The following NLRP4 variants were observed in gnomAD, a reference collection of about 807,000 sequenced individuals.
NLRP4 encodes the protein NLR family pyrin domain containing 4.
Under a neutral mutation model 84.7 loss-of-function variants are expected in NLRP4, and 44 were observed. The observed-to-expected ratio is 0.52, with a 90% confidence interval of 0.41 to 0.67. The LOEUF is 0.67. NLRP4 is among the 30% of genes least tolerant of loss of function. The pLI, the probability that NLRP4 is intolerant of heterozygous loss-of-function variation, is 0.00. For missense variants in NLRP4, 1,260 were observed against 1,219.4 expected (o/e 1.03, Z -0.50); for synonymous variants, 544 against 476.4 (o/e 1.14, Z -1.85).
rs143787739 is a variant in NLRP4 at position 55,859,208 on chromosome 19, C to G, written c.1815C>G (p.Ser605=). 4 of 1,606,920 alleles carry G rather than the reference C, an allele frequency of 2.5e-6. No homozygotes were observed. In the East Asian group the frequency reaches 9.0e-5, roughly 36 times the overall value. Residue 605 remains serine (S), a synonymous_variant, in exon 3 of 10, where the codon TCC becomes TCG. Coordinates refer to ENST00000301295, the MANE Select transcript of NLRP4 (RefSeq NM_134444.5). ...YCSSLRKLCF[S]VQNVFKKEDE... is the part of the protein sequence containing the mutation. ...CCAGCTTGAGGAAACTCTGTTTTTC[C>G]GTTCAAAATGTCTTTAAGAAAGAGG...
At chr19:55,852,500 G>C in intron 2 of NLRP4, 140 bp downstream of exon 2, 1 of 552,590 alleles carries the variant, frequency 1.8e-6, no homozygotes, top group Non-Finnish European at 3.0e-6. Context: ...TTTTTTGGTA[G>C]ACGGAGTCGC....
Position 55,881,677 on chromosome 19 carries a change from A to C in NLRP4, c.*90A>C. 1 of 652,032 alleles carries C rather than the reference A, an allele frequency of 1.5e-6. No homozygotes were observed. The highest frequency in any genetic ancestry group is 2.7e-6 in the Non-Finnish European group (1 of 363,698). 40.4% of individuals were successfully genotyped at this position (652,032 alleles called of 1,614,324 possible). ...ATGACACTGCACCCAGGAGATACAA[A>C]TCATTGATACTCTGAGTTGTGAGAT... On this transcript the variant is annotated 3_prime_UTR_variant, in exon 10 of 10. Coordinates refer to ENST00000301295, the MANE Select transcript of NLRP4 (RefSeq NM_134444.5).
chr19:55,852,439 T>A, intron 2 of NLRP4, 79 bp downstream of exon 2: 1 of 824,038 alleles, frequency 1.2e-6, no homozygotes, highest in Non-Finnish European at 2.0e-6. Context: ...TCTGCCTGTC[T>A]ACAACAGGAC....
At position 55,859,098 on chromosome 19, in the gene NLRP4, G is replaced by A. The variant is rs768333245; in HGVS notation, c.1705G>A (p.Ala569Thr). Residue 569 changes from alanine (A) to threonine (T), a missense_variant, in exon 3 of 10, where the codon GCA (alanine) becomes ACA (threonine). Ala to Thr is a moderately conservative substitution (Grantham distance 58). Around this residue, in one of 3 missense-constraint regions of NLRP4, gnomAD observed 544 missense variants for 531.7 expected, o/e 1.02. Coordinates refer to ENST00000301295, the MANE Select transcript of NLRP4 (RefSeq NM_134444.5). ...EMQDPAFVKQAVNLLQEANFH... is the reference protein window; with the variant it reads ...EMQDPAFVKQTVNLLQEANFH... The stretch of plus-strand genomic sequence containing the variant: ...GCAGGATCCTGCCTTTGTGAAGCAG[G>A]CAGTGAACCTCCTCCAAGAAGCTAA... The A allele has an allele frequency of 6.2e-7, 1 of 1,614,004 alleles. No homozygotes were observed. The highest frequency in any genetic ancestry group is 8.5e-7 in the Non-Finnish European group (1 of 1,179,908).
In NLRP4 at chr19:55,859,141, A is replaced by G. The variant is rs563658475; in HGVS notation, c.1748A>G (p.Asn583Ser). 1.2e-6 allele frequency: 2 copies of G among 1,613,950 alleles called. No homozygotes were observed. The highest frequency in any genetic ancestry group is 1.3e-5 in the African/African-American group (1 of 75,038). ...GAAGCTAACTTTCATATTATTGACA[A>G]CGTGGACTTGGTGGTTTCTGCCTAC... ...LQEANFHIID[N>S]VDLVVSAYCL... is the part of the protein sequence containing the mutation. The change falls in exon 3 of 10, where the codon AAC becomes AGC. Residue 583 changes from asparagine (N) to serine (S), a missense_variant. Coordinates refer to ENST00000301295, the MANE Select transcript of NLRP4 (RefSeq NM_134444.5).
intron 9 of NLRP4, among the ~76,000 whole-genome samples, chr19:55,881,197 C>T (rs965602811): frequency 2.3e-5 from 3 of 130,034 alleles, no homozygotes; most frequent in African/African-American, 8.2e-5. Context: ...TTAGTGACAG[C>T]AAGTGGGCAG....
intron 7 of NLRP4, among the ~76,000 whole-genome samples, chr19:55,876,295 A>G (rs1985368542): frequency 6.6e-6 from 1 of 152,174 alleles, no homozygotes; most frequent in Admixed American, 6.5e-5. Flanking sequence ...GGTTGGCTAC[A>G]GATTTCCCCT....
Position 55,852,127 on chromosome 19 carries a change from A to T in NLRP4, c.47A>T (p.Glu16Val). ...GATTTTGGTCTTATGTGGTATCTGG[A>T]GGAGCTCAAAAAGGAGGAGTTCAGG... ...FSDFGLMWYL[E>V]ELKKEEFRKF... Residue 16 changes from glutamate to valine, a missense_variant, in exon 2 of 10, where the codon GAG becomes GTG. By Grantham distance (121) the Glu-to-Val change is moderately radical. Coordinates refer to ENST00000301295, the MANE Select transcript of NLRP4 (RefSeq NM_134444.5). The T allele has an allele frequency of 1.2e-6, 2 of 1,607,464 alleles. No homozygotes were observed. Among genetic ancestry groups the T allele is most frequent in the Non-Finnish European group, 1.7e-6 (2 of 1,177,980 alleles).
At position 55,867,769 on chromosome 19, in the gene NLRP4, C is replaced by A; in HGVS notation, c.2247C>A (p.Asn749Lys). Residue 749 changes from asparagine to lysine, a missense_variant, in exon 6 of 10, where the codon AAC (asparagine) becomes AAA (lysine). Transcript: ENST00000301295. ...AAGTCCTTGCTGGCCTTCTAACCAA[C>A]AACAAGAAGCTGACGTATCTGAATG... ...DCEVLAGLLT[N>K]NKKLTYLNVS... 6.2e-7 allele frequency: 1 copy of A among 1,614,098 alleles called. No homozygotes were observed. The highest frequency in any genetic ancestry group is 8.5e-7 in the Non-Finnish European group (1 of 1,179,932).
intron 1 of NLRP4, among the ~76,000 whole-genome samples, chr19:55,851,292 T>TGGCTGTGGTGTAATGTCCGA: frequency 3.5e-5 from 1 of 28,874 alleles, no homozygotes; most frequent in East Asian, 1.4e-3. Context: ...GTAATGTCCG[T>TGGCTGTGGTGTAATGTCCGA]GGCTGCGGTG....
chr19:55,845,451 A>G (rs1295970468), intron 1 of NLRP4, among the ~76,000 whole-genome samples: 1 of 151,544 alleles, frequency 6.6e-6, no homozygotes, highest in African/African-American at 2.4e-5. Context: ...GTTGGTTCCA[A>G]GTCTTTGCTA....
chr19:55,848,994 G>A (rs1983913657), intron 1 of NLRP4, among the ~76,000 whole-genome samples: 1 of 152,134 alleles, frequency 6.6e-6, no homozygotes, highest in African/African-American at 2.4e-5. Flanking sequence ...TGATTGTGAG[G>A]CCTCCCCAGC....
chr19:55,857,605 G>GA (rs751458288), intron 2 of NLRP4, 69 bp from the exon 3 acceptor site: 7 of 1,471,400 alleles, frequency 4.8e-6, no homozygotes, highest in African/African-American at 1.4e-5. Context: ...ATCCTGAGAA[G>GA]AAAAAAAGAA....
chr19:55,837,726 G>T (rs1983416506), intron 1 of NLRP4, among the ~76,000 whole-genome samples: 1 of 151,954 alleles, frequency 6.6e-6, no homozygotes. Flanking sequence ...ACTTAATGAC[G>T]GGTGTCCTTA....
chr19:55,840,355 T>TGC (rs201016312), intron 1 of NLRP4, among the ~76,000 whole-genome samples: 2,897 of 150,432 alleles, frequency 0.019, 100 homozygotes, highest in African/African-American at 0.068. Context: ...TGTGTGTGTG[T>TGC]GTGTGTGTGT....
rs1479998358 is a variant in NLRP4, at chr19:55,849,828, C to G, written c.-65-2188C>G. Among the ~76,000 whole-genome samples the G allele has an allele frequency of 5.9e-5, 9 of 151,704 alleles. 1 individual carries two copies. The highest frequency in any genetic ancestry group is 1.7e-4 in the African/African-American group (7 of 41,284). On this transcript the variant is annotated intron_variant, in intron 1 of 9. Coordinates refer to ENST00000301295, the MANE Select transcript of NLRP4 (RefSeq NM_134444.5). ...AATTTCCAAAGCTGCGGTGTAATTT[C>G]CGAAGCTGCGGTGTAATTTCCGAGA...
In NLRP4 at chr19:55,852,239, A is replaced by G. The variant is rs775600171; in HGVS notation, c.159A>G (p.Glu53=). ...CTGAGGTCAAAAAAGCATCCCGGGA[A>G]GAACTTGCAAACCTCTTGATCAAGC... is the stretch of plus-strand genomic sequence containing the variant. ...PWTEVKKASR[E]ELANLLIKHY... The change falls in exon 2 of 10, where the codon GAA becomes GAG. Residue 53 remains glutamate (E), a synonymous_variant. Transcript: ENST00000301295. 3.1e-6 allele frequency: 5 copies of G among 1,610,136 alleles called. No individual in the cohort carries two copies. The Admixed American group carries it at 8.5e-5, about 27-fold the overall frequency.
chr19:55,871,027 A>G (rs909915850), intron 7 of NLRP4, 30 bp downstream of exon 7: 2 of 1,607,362 alleles, frequency 1.2e-6, no homozygotes, highest in South Asian at 1.1e-5. Context: ...TTTGAAGACC[A>G]AGCCGTCTTT....
rs567121599 is a variant in NLRP4, at chr19:55,865,230, C to T, written c.2187-2479C>T. ...TTTAGCGTCCACTTATAAGTGAGAA[C>T]ATGTGATATTTGGATTTATGTTCCT... is the stretch of plus-strand genomic sequence containing the variant. On this transcript the variant is annotated intron_variant, in intron 5 of 9. Coordinates refer to ENST00000301295, the MANE Select transcript of NLRP4 (RefSeq NM_134444.5). Among the ~76,000 whole-genome samples the T allele has an allele frequency of 6.0e-4, 91 of 152,306 alleles. 1 individual carries two copies. Among genetic ancestry groups the T allele is most frequent in the African/African-American group, 2.0e-3 (84 of 41,562 alleles).
Sources: allele counts gnomAD v4.1 joint callset (sites outside exome capture counted in the v4.1 genomes callset), GRCh38; gene constraint gnomAD v4.1.1; regional missense constraint gnomAD v4.1.1; transcripts MANE v1.5; gene names NCBI Gene and HGNC (gene_info 2026-07-23, HGNC 2026-07-21).